NAALADL2: variants seen among roughly 807,000 people sequenced by gnomAD.
The protein encoded by NAALADL2 is N-acetylated alpha-linked acidic dipeptidase like 2, also known as inactive N-acetylated-alpha-linked acidic dipeptidase-like protein 2.
Under a neutral mutation model 87.2 loss-of-function variants are expected in NAALADL2, and 76 were observed. The observed-to-expected ratio is 0.87, with a 90% CI of 0.72 to 1.05. NAALADL2 has a LOEUF of 1.05. Ranked by LOEUF, NAALADL2 falls within the 50% of genes least tolerant of loss-of-function variation. NAALADL2 has a pLI of 0.00. For synonymous variants in NAALADL2, 354 were observed against 331.0 expected (o/e 1.07, Z -0.75); for missense variants, 1,089 against 945.8 (o/e 1.15, Z -1.99).
At chr3:175,172,978 G>C (rs987154551) in intron 2 of NAALADL2, among the ~76,000 whole-genome samples, 1 of 151,924 alleles carries the variant, frequency 6.6e-6, no homozygotes. Context: ...ATAGATATTC[G>C]ATGCTGGTGT....
At chr3:174,486,930 C>T (rs896305736) in intron 1 of NAALADL2, among the ~76,000 whole-genome samples, 1 of 151,948 alleles carries the variant, frequency 6.6e-6, no homozygotes, top group Admixed American at 6.6e-5. Context: ...CAAGAGCTGC[C>T]ACCTTCTTAT....
At chr3:175,015,184 T>C (rs1302901913) in intron 1 of NAALADL2, among the ~76,000 whole-genome samples, 1 of 152,084 alleles carries the variant, frequency 6.6e-6, no homozygotes, top group Non-Finnish European at 1.5e-5. Context: ...AAACACAGCA[T>C]TTGGTGAACT....
chr3:175,450,665 T>C (rs1031693821), intron 6 of NAALADL2, among the ~76,000 whole-genome samples: 1 of 149,152 alleles, frequency 6.7e-6, no homozygotes, highest in Non-Finnish European at 1.5e-5. Flanking sequence ...CATCATAATA[T>C]AGTTGATGTA....
chr3:174,638,821 T>C (rs1437971834), intron 2 of NAALADL2, among the ~76,000 whole-genome samples: 3 of 152,210 alleles, frequency 2.0e-5, no homozygotes, highest in Non-Finnish European at 1.5e-5. Context: ...GAGAAAAATG[T>C]TTTTCACTAT....
At chr3:175,269,648 G>A (rs942933977) in intron 4 of NAALADL2, among the ~76,000 whole-genome samples, 1 of 152,200 alleles carries the variant, frequency 6.6e-6, no homozygotes, top group Admixed American at 6.5e-5. Context: ...TCCTGTATAA[G>A]TAGGATGGTC....
At chr3:175,348,003 G>A (rs186722807) in intron 5 of NAALADL2, among the ~76,000 whole-genome samples, 2 of 152,126 alleles carry the variant, frequency 1.3e-5, no homozygotes, top group African/African-American at 4.8e-5. Context: ...TAGGTTTCCT[G>A]TGTTAGTTTG....
chr3:175,406,935 C>T (rs1712511211), intron 5 of NAALADL2, among the ~76,000 whole-genome samples: 1 of 151,966 alleles, frequency 6.6e-6, no homozygotes, highest in Non-Finnish European at 1.5e-5. Flanking sequence ...AATCCCAGCA[C>T]TTTGGGAGGC....
rs541920188 is a variant in NAALADL2, at chr3:175,536,690, G to C, written c.1654-39351G>C. On this transcript the variant is annotated intron_variant, in intron 9 of 13. Transcript: ENST00000454872. ...TTAAAATAAGAATGTATTATGTTTA[G>C]TTTTAGCAGAGACAGGGTTTCACCG... 2.0e-3 allele frequency among the ~76,000 whole-genome samples: 302 copies of C among 152,170 alleles called. 1 individual carries two copies. Among genetic ancestry groups the C allele is most frequent in the African/African-American group, 6.8e-3 (284 of 41,528 alleles).
intron 10 of NAALADL2, among the ~76,000 whole-genome samples, chr3:175,602,177 G>A (rs945978471): frequency 2.0e-5 from 3 of 152,080 alleles, no homozygotes; most frequent in Admixed American, 6.6e-5. Context: ...TGATAGAAGA[G>A]TAGATAGGAA....
chr3:175,256,443 A>T lies in NAALADL2; in HGVS notation c.852A>T (p.Ala284=), dbSNP rs986776930. 6.2e-7 allele frequency: 1 copy of T among 1,610,958 alleles called. No homozygotes were observed. The highest frequency in any genetic ancestry group is 1.3e-5 in the African/African-American group (1 of 74,772). Residue 284 remains alanine (A), a synonymous_variant, in exon 4 of 14, where the codon GCA becomes GCT. Transcript: ENST00000454872. ...AEVIDVSYGM[A]DDLKRIRKIK... is the part of the protein sequence containing the mutation. ...TCATCGATGTGAGTTATGGAATGGC[A>T]GATGATTTAAAAAGGATTAGGAAAA...
intron 11 of NAALADL2, among the ~76,000 whole-genome samples, chr3:175,662,786 G>A (rs936554491): frequency 1.3e-5 from 2 of 151,884 alleles, no homozygotes; most frequent in Non-Finnish European, 2.9e-5. Flanking sequence ...TTGATGTATT[G>A]TATCACATTC....
At chr3:174,819,508 T>G (rs1721198080) in intron 3 of NAALADL2, among the ~76,000 whole-genome samples, 1 of 152,052 alleles carries the variant, frequency 6.6e-6, no homozygotes, top group African/African-American at 2.4e-5. Context: ...GAGGTCTGAC[T>G]TCTCATACAC....
intron 11 of NAALADL2, among the ~76,000 whole-genome samples, chr3:175,673,748 A>G (rs1194878051): frequency 1.3e-5 from 2 of 152,090 alleles, no homozygotes; most frequent in Non-Finnish European, 2.9e-5. Context: ...GATTCTCACT[A>G]TAAAAATTTC....
At chr3:174,455,018 T>A (rs1577948513) in intron 1 of NAALADL2, among the ~76,000 whole-genome samples, 1 of 146,306 alleles carries the variant, frequency 6.8e-6, no homozygotes, top group African/African-American at 2.5e-5. Context: ...AAGATACAAA[T>A]AAAGGCTATT....
intron 1 of NAALADL2, among the ~76,000 whole-genome samples, chr3:174,913,693 A>G (rs1335561661): frequency 6.6e-6 from 1 of 152,162 alleles, no homozygotes; most frequent in East Asian, 1.9e-4. Context: ...CAAATGAAGT[A>G]CTATATTGCG....
chr3:175,035,445 G>C (rs915214673), intron 1 of NAALADL2, among the ~76,000 whole-genome samples: 1 of 152,102 alleles, frequency 6.6e-6, no homozygotes, highest in South Asian at 2.1e-4. Flanking sequence ...AAATGTGGAG[G>C]GTCTGTGACA....
intron 1 of NAALADL2, among the ~76,000 whole-genome samples, chr3:175,026,817 T>C (rs1752286568): frequency 6.6e-6 from 1 of 152,084 alleles, no homozygotes; most frequent in Admixed American, 6.6e-5. Context: ...AACATGGCAT[T>C]AAGGATTGGA....
At chr3:174,717,658 C>G (rs188731002) in intron 2 of NAALADL2, among the ~76,000 whole-genome samples, 1 of 152,100 alleles carries the variant, frequency 6.6e-6, no homozygotes, top group Non-Finnish European at 1.5e-5. Flanking sequence ...GTATCATTAG[C>G]AACCGCCTCT....
chr3:175,178,484 G>A (rs12635630), intron 2 of NAALADL2, among the ~76,000 whole-genome samples: 104,649 of 151,854 alleles, frequency 0.69, 37,331 homozygotes, highest in Non-Finnish European at 0.79. Flanking sequence ...AATTCCTTGG[G>A]ATGATCACGT....
Sources: gnomAD v4.1 joint callset for allele counts (sites outside exome capture counted in the v4.1 genomes callset) on GRCh38, gnomAD v4.1.1 for gene constraint, MANE v1.5 for transcripts, NCBI Gene and HGNC (gene_info 2026-07-23, HGNC 2026-07-21) for gene names.